MTCL2: variants seen among roughly 807,000 people sequenced by gnomAD.
MTCL2 encodes microtubule cross-linking factor 2.
the MTCL2 span, chr20:36,859,922 G>C: frequency 8.1e-7 from 1 of 1,230,762 alleles, no homozygotes; most frequent in African/African-American, 1.5e-5. Context: ...TAGCGACCCT[G>C]CTCTGGGACC....
chr20:36,807,214 G>A, the MTCL2 span, among the ~76,000 whole-genome samples: 1 of 152,202 alleles, frequency 6.6e-6, no homozygotes, highest in Non-Finnish European at 1.5e-5. Context: ...CTGCGAGAAT[G>A]ATGAGCCCCA....
the MTCL2 span, among the ~76,000 whole-genome samples, chr20:36,801,019 T>C: frequency 6.6e-6 from 1 of 152,196 alleles, no homozygotes; most frequent in African/African-American, 2.4e-5. Flanking sequence ...TGTGGAGATG[T>C]TCACTGAGGC....
chr20:36,856,444 G>T, the MTCL2 span, among the ~76,000 whole-genome samples: 2 of 152,376 alleles, frequency 1.3e-5, no homozygotes, highest in South Asian at 4.1e-4. Flanking sequence ...AGGGGGAGAA[G>T]GGGGAGATAG....
chr20:36,808,486 C>A, the MTCL2 span: 2 of 1,556,900 alleles, frequency 1.3e-6, no homozygotes, highest in South Asian at 1.2e-5. Flanking sequence ...CCCACACTCC[C>A]AGTCCCAGTC....
chr20:36,808,752 G>A, the MTCL2 span: 4 of 1,570,160 alleles, frequency 2.5e-6, no homozygotes, highest in South Asian at 2.3e-5. Flanking sequence ...AGCTGCCGGG[G>A]GACAAGAGCT....
the MTCL2 span, chr20:36,809,940 G>T: frequency 6.4e-7 from 1 of 1,573,686 alleles, no homozygotes; most frequent in Non-Finnish European, 8.6e-7. Flanking sequence ...GCTCAGAGAG[G>T]CTGTAGGAAT....
chr20:36,820,531 T>A, the MTCL2 span, among the ~76,000 whole-genome samples: 2 of 152,144 alleles, frequency 1.3e-5, no homozygotes, highest in Non-Finnish European at 2.9e-5. Flanking sequence ...AACAGAATAT[T>A]TACTCAGCCA....
At chr20:36,785,618 A>G in the MTCL2 span, 1 of 985,338 alleles carries the variant, frequency 1.0e-6, no homozygotes, top group East Asian at 1.1e-4. Context: ...GGTGCCAGGG[A>G]AAGAGGCCTC....
chr20:36,818,929 C>A, the MTCL2 span, among the ~76,000 whole-genome samples: 5 of 152,166 alleles, frequency 3.3e-5, no homozygotes, highest in African/African-American at 1.2e-4. Flanking sequence ...CACATGAAGA[C>A]ATCAAGGCAC....
the MTCL2 span, among the ~76,000 whole-genome samples, chr20:36,850,952 A>G: frequency 6.6e-6 from 1 of 152,200 alleles, no homozygotes; most frequent in Admixed American, 6.5e-5. Context: ...GAAGGAAGCC[A>G]GACTGAGTAG....
the MTCL2 span, chr20:36,786,670 A>G: frequency 6.5e-7 from 1 of 1,533,006 alleles, no homozygotes; most frequent in Non-Finnish European, 8.8e-7. Flanking sequence ...GCAGGAAGTC[A>G]AGAGGAGCCA....
the MTCL2 span, among the ~76,000 whole-genome samples, chr20:36,810,484 T>C: frequency 6.6e-6 from 1 of 152,244 alleles, no homozygotes; most frequent in Non-Finnish European, 1.5e-5. Context: ...AATGGATCTA[T>C]ACATATGTAA....
At chr20:36,792,957 T>C in the MTCL2 span, among the ~76,000 whole-genome samples, 1 of 151,426 alleles carries the variant, frequency 6.6e-6, no homozygotes, top group South Asian at 2.1e-4. Context: ...CAGGCTGGAG[T>C]GCAATAGCAC....
At chr20:36,836,073 C>G in the MTCL2 span, among the ~76,000 whole-genome samples, 1 of 149,724 alleles carries the variant, frequency 6.7e-6, no homozygotes, top group South Asian at 2.1e-4. Context: ...CTGCCTTCCC[C>G]CACCACCCCC....
the MTCL2 span, among the ~76,000 whole-genome samples, chr20:36,840,124 A>G: frequency 5.4e-5 from 8 of 148,296 alleles, no homozygotes. Flanking sequence ...TTGGCCTCCC[A>G]AAGTGCTGGG....
the MTCL2 span, among the ~76,000 whole-genome samples, chr20:36,849,002 A>ATT: frequency 6.9e-6 from 1 of 145,954 alleles, no homozygotes; most frequent in Non-Finnish European, 1.5e-5. Context: ...AAGCACACAT[A>ATT]TTACTATGTT....
the MTCL2 span, among the ~76,000 whole-genome samples, chr20:36,801,548 T>C: frequency 4.1e-5 from 5 of 122,250 alleles, no homozygotes; most frequent in Admixed American, 2.5e-4. Context: ...TCATCTCTCA[T>C]AAAAAAAAAA....
At chr20:36,862,769 C>A in the MTCL2 span, 4 of 1,442,446 alleles carry the variant, frequency 2.8e-6, no homozygotes, top group Non-Finnish European at 3.6e-6. Context: ...AGGCGCTGAG[C>A]GGCAAGCGGC....
At chr20:36,794,490 C>T in the MTCL2 span, 2 of 1,614,058 alleles carry the variant, frequency 1.2e-6, no homozygotes, top group Admixed American at 1.7e-5. The surrounding 1 kb of genome is among the most constrained non-coding windows in gnomAD (Gnocchi z 5.4). Context: ...CTCACAAAGC[C>T]AAAGGCAGGG....
Sources: allele counts gnomAD v4.1 joint callset (sites outside exome capture counted in the v4.1 genomes callset), GRCh38; gene constraint gnomAD v4.1.1; non-coding constraint Gnocchi (gnomAD v3.1); transcripts MANE v1.5; gene names NCBI Gene and HGNC (gene_info 2026-07-23, HGNC 2026-07-21).